Variants in PPARGC1A observed in about 807,000 individuals in gnomAD.
PPARGC1A encodes peroxisome proliferator-activated receptor gamma coactivator 1-alpha.
Under a neutral mutation model 88.7 loss-of-function variants are expected in PPARGC1A, and 25 were observed. The observed-to-expected ratio is 0.28, with a 90% CI of 0.21 to 0.39. The LOEUF (loss-of-function observed/expected upper bound fraction) is 0.39, where lower values mean the gene tolerates loss of function less well. Ranked by LOEUF, PPARGC1A falls within the 10% of genes least tolerant of loss-of-function variation. The probability of loss-of-function intolerance (pLI) is 1.00; values close to 1 mark genes in which losing one functional copy is unlikely to be tolerated. For synonymous variants in PPARGC1A, 363 were observed against 355.6 expected (o/e 1.02, Z -0.24); for missense variants, 880 against 968.7 (o/e 0.91, Z 1.22).
chr4:24,289,229 A>C, the PPARGC1A span, among the ~76,000 whole-genome samples: 2 of 149,800 alleles, frequency 1.3e-5, no homozygotes, highest in Non-Finnish European at 3.0e-5. Flanking sequence ...CAAAAAAAAA[A>C]AAAAAAAAAA....
At chr4:24,385,252 G>A in the PPARGC1A span, among the ~76,000 whole-genome samples, 3 of 152,240 alleles carry the variant, frequency 2.0e-5, no homozygotes, top group Non-Finnish European at 4.4e-5. Context: ...AGTGTTTAGA[G>A]GGAAATTTAT....
chr4:24,438,558 A>T, the PPARGC1A span, among the ~76,000 whole-genome samples: 1 of 152,170 alleles, frequency 6.6e-6, no homozygotes, highest in Admixed American at 6.5e-5. Flanking sequence ...AGTGAAATTT[A>T]TATGCAACAG....
the PPARGC1A span, among the ~76,000 whole-genome samples, chr4:24,093,108 A>G: frequency 2.0e-5 from 3 of 152,192 alleles, no homozygotes; most frequent in African/African-American, 7.2e-5. Flanking sequence ...CAAACATTCT[A>G]TGAGGTTATT....
the PPARGC1A span, among the ~76,000 whole-genome samples, chr4:24,026,114 T>C: frequency 2.0e-5 from 3 of 152,200 alleles, no homozygotes; most frequent in African/African-American, 7.2e-5. Flanking sequence ...CTTTAGAAAA[T>C]TTCAAAGATC....
chr4:24,436,914 G>A, the PPARGC1A span, among the ~76,000 whole-genome samples: 2 of 140,580 alleles, frequency 1.4e-5, no homozygotes, highest in South Asian at 2.4e-4. Flanking sequence ...AGAGCTGACA[G>A]CGATTGGCCA....
At chr4:24,166,973 A>G in the PPARGC1A span, among the ~76,000 whole-genome samples, 2 of 152,224 alleles carry the variant, frequency 1.3e-5, no homozygotes, top group Non-Finnish European at 2.9e-5. Flanking sequence ...TTCAAGTCTT[A>G]TTATTTAAGA....
At chr4:24,053,836 T>C in the PPARGC1A span, among the ~76,000 whole-genome samples, 1 of 152,186 alleles carries the variant, frequency 6.6e-6, no homozygotes, top group African/African-American at 2.4e-5. Context: ...ACGATTGTTA[T>C]TTAAAACATA....
the PPARGC1A span, among the ~76,000 whole-genome samples, chr4:23,939,458 T>C: frequency 6.6e-6 from 1 of 152,230 alleles, no homozygotes. Flanking sequence ...AAATAACAAC[T>C]ATCTTTTATT....
chr4:24,308,644 A>G, the PPARGC1A span, among the ~76,000 whole-genome samples: 20 of 152,124 alleles, frequency 1.3e-4, no homozygotes, highest in African/African-American at 4.6e-4. Flanking sequence ...GAGGTGTCTC[A>G]TGGGTCAAGT....
At chr4:24,469,063 A>G in the PPARGC1A span, among the ~76,000 whole-genome samples, 6 of 152,202 alleles carry the variant, frequency 3.9e-5, no homozygotes, top group Non-Finnish European at 7.3e-5. Flanking sequence ...AGAGTAAACA[A>G]ATTATATCTG....
At chr4:23,806,678 A>G (rs1253723807) in intron 10 of PPARGC1A, among the ~76,000 whole-genome samples, 1 of 152,196 alleles carries the variant, frequency 6.6e-6, no homozygotes, top group Non-Finnish European at 1.5e-5. Flanking sequence ...TCTATAGTAA[A>G]TCCTCACTAC....
the PPARGC1A span, among the ~76,000 whole-genome samples, chr4:24,063,137 C>G: frequency 6.6e-6 from 1 of 152,130 alleles, no homozygotes; most frequent in African/African-American, 2.4e-5. Context: ...ACATCCTTCT[C>G]CCAAGTGGGC....
At chr4:24,042,124 G>A in the PPARGC1A span, among the ~76,000 whole-genome samples, 2 of 152,176 alleles carry the variant, frequency 1.3e-5, no homozygotes, top group African/African-American at 2.4e-5. Flanking sequence ...CAACTGATAA[G>A]TAAATGTCTT....
At chr4:24,112,320 T>C in the PPARGC1A span, among the ~76,000 whole-genome samples, 6 of 152,226 alleles carry the variant, frequency 3.9e-5, no homozygotes, top group East Asian at 1.9e-4. Context: ...TGTGGGAATG[T>C]GGACCCAGAC....
the PPARGC1A span, among the ~76,000 whole-genome samples, chr4:23,988,895 T>C: frequency 6.8e-6 from 1 of 147,482 alleles, no homozygotes; most frequent in Non-Finnish European, 1.5e-5. Context: ...AATACAGATT[T>C]ATATAAATAG....
intron 2 of PPARGC1A, among the ~76,000 whole-genome samples, chr4:23,878,881 C>A (rs1011841539): frequency 6.6e-6 from 1 of 152,186 alleles, no homozygotes; most frequent in African/African-American, 2.4e-5. Flanking sequence ...TTAAAATACT[C>A]CATAAGTCTC....
chr4:23,947,809 A>G, the PPARGC1A span, among the ~76,000 whole-genome samples: 1 of 152,014 alleles, frequency 6.6e-6, no homozygotes, highest in Non-Finnish European at 1.5e-5. Flanking sequence ...GGAGCTCCAT[A>G]ATTGCCAATG....
At chr4:24,042,900 T>C in the PPARGC1A span, among the ~76,000 whole-genome samples, 1 of 152,206 alleles carries the variant, frequency 6.6e-6, no homozygotes, top group Non-Finnish European at 1.5e-5. Context: ...GTGAAGCATC[T>C]CTCTTTATTA....
chr4:24,117,175 G>A, the PPARGC1A span, among the ~76,000 whole-genome samples: 1 of 152,164 alleles, frequency 6.6e-6, no homozygotes, highest in Non-Finnish European at 1.5e-5. Context: ...CAATAGAGAG[G>A]TTTATACTTT....
Sources: gnomAD v4.1 joint callset for allele counts (sites outside exome capture counted in the v4.1 genomes callset) on GRCh38, gnomAD v4.1.1 for gene constraint, MANE v1.5 for transcripts, NCBI Gene and HGNC (gene_info 2026-07-23, HGNC 2026-07-21) for gene names.